Variants in INSR observed in about 807,000 individuals in gnomAD.
INSR encodes the protein IR.
A neutral mutation model predicts 142.6 loss-of-function variants in INSR; 67 were observed. The observed-to-expected ratio is 0.47, with a 90% CI of 0.39 to 0.58. The LOEUF (loss-of-function observed/expected upper bound fraction) is 0.58. Among genes scored for constraint, INSR ranks in the 20% least tolerant of loss-of-function variants. The pLI is 0.00. For missense variants in INSR, 1,248 were observed against 1,833.2 expected (o/e 0.68, Z 5.83); for synonymous variants, 756 against 743.1 (o/e 1.02, Z -0.28).
In INSR at chr19:7,267,660, G is replaced by T. The variant is rs1252380052; in HGVS notation, c.337C>A (p.Arg113=). The T allele has an allele frequency of 1.2e-6, 2 of 1,613,938 alleles. No homozygotes were observed. The highest frequency in any genetic ancestry group is 1.7e-6 in the Non-Finnish European group (2 of 1,180,028). ...FPNLTVIRGS[R]LFFNYALVIF... is the part of the protein sequence containing the mutation. ...ACCAGCGCGTAGTTAAAGAACAGTCGTGATCCCCGGATGACCGTGAGGTTG... is the reference window on the plus strand; with the variant it reads ...ACCAGCGCGTAGTTAAAGAACAGTCTTGATCCCCGGATGACCGTGAGGTTG... The change falls in exon 2 of 22, where the codon CGA becomes AGA. Residue 113 remains arginine, a synonymous_variant. Transcript: ENST00000302850. The surrounding 1 kb of genome is among the most constrained non-coding windows in gnomAD (Gnocchi z 6.3).
intron 3 of INSR, among the ~76,000 whole-genome samples, chr19:7,180,793 T>C (rs7246290): frequency 0.081 from 12,330 of 151,926 alleles, 613 homozygotes; most frequent in African/African-American, 0.13. Flanking sequence ...GCTCCTGCGG[T>C]AACGACCACC....
intron 2 of INSR, among the ~76,000 whole-genome samples, chr19:7,193,494 G>C (rs1285993435): frequency 1.3e-5 from 2 of 151,302 alleles, no homozygotes; most frequent in Non-Finnish European, 2.9e-5. Flanking sequence ...CCTGGCGACA[G>C]AGTGAGACTC....
intron 2 of INSR, among the ~76,000 whole-genome samples, chr19:7,233,922 C>T (rs551029802): frequency 2.6e-5 from 4 of 151,382 alleles, no homozygotes; most frequent in African/African-American, 9.7e-5. Context: ...GTGATGTGCC[C>T]GCATTCTGTC....
chr19:7,193,681 T>C (rs72998171), intron 2 of INSR, among the ~76,000 whole-genome samples: 3,481 of 152,048 alleles, frequency 0.023, 60 homozygotes, highest in Non-Finnish European at 0.035. Flanking sequence ...TTTTTTCAAG[T>C]AGCTTCTTCT....
In INSR at chr19:7,146,516, T is replaced by G. The variant is rs150318061; in HGVS notation, c.2268-3426A>C. On this transcript the variant is annotated intron_variant, in intron 11 of 21. Coordinates refer to ENST00000302850, the MANE Select transcript of INSR (RefSeq NM_000208.4). ...CCTCAGCCTCCCAAAGTACTGGGATTACAGGCATGAGCCACCATGCTCAAC... is the reference window on the plus strand; with the variant it reads ...CCTCAGCCTCCCAAAGTACTGGGATGACAGGCATGAGCCACCATGCTCAAC... Among the ~76,000 whole-genome samples, 37 of 152,270 alleles carry G rather than the reference T, an allele frequency of 2.4e-4. No homozygotes were observed. In the East Asian group the frequency reaches 5.4e-3, roughly 22 times the overall value.
At chr19:7,148,586 T>C (rs763180215) in intron 11 of INSR, among the ~76,000 whole-genome samples, 25 of 145,958 alleles carry the variant, frequency 1.7e-4, no homozygotes, top group Non-Finnish European at 3.0e-4. Flanking sequence ...CAAGTGATTC[T>C]CCTGCCTCGG....
chr19:7,285,423 C>T (rs1968321851), intron 1 of INSR, among the ~76,000 whole-genome samples: 1 of 152,062 alleles, frequency 6.6e-6, no homozygotes, highest in African/African-American at 2.4e-5. Context: ...GCAGTCTGGC[C>T]TGGGCAACAG....
intron 1 of INSR, among the ~76,000 whole-genome samples, chr19:7,288,916 T>A (rs1330208679): frequency 1.6e-5 from 2 of 124,986 alleles, no homozygotes; most frequent in African/African-American, 3.2e-5. Flanking sequence ...TGAGCCAAGA[T>A]CATGCCATTG....
rs1284756350 is a variant in INSR at position 7,225,124 on chromosome 19, T to C, written c.653-40487A>G. Among the ~76,000 whole-genome samples, 1 of 152,138 alleles carries C rather than the reference T, an allele frequency of 6.6e-6. No homozygotes were observed. On this transcript the variant is annotated intron_variant, in intron 2 of 21. Transcript: ENST00000302850. This position sits in a 1 kb window ranked among gnomAD's most constrained non-coding sequence, Gnocchi z 4.7. ...TATGCACCCAGCACTATTCCAATTA[T>C]TAACCATTTATTTCCCCCAACAATC...
At position 7,150,790 on chromosome 19, in the gene INSR, C is replaced by T. The variant is rs1046015926; in HGVS notation, c.2232-258G>A. Among the ~76,000 whole-genome samples, 2 of 152,184 alleles carry T rather than the reference C, an allele frequency of 1.3e-5. No individual in the cohort carries two copies. The highest frequency in any genetic ancestry group is 4.8e-5 in the African/African-American group (2 of 41,460). On this transcript the variant is annotated intron_variant, in intron 10 of 21. Coordinates refer to ENST00000302850, the MANE Select transcript of INSR (RefSeq NM_000208.4). The surrounding 1 kb of genome is among the most constrained non-coding windows in gnomAD (Gnocchi z 4.2). ...GCTGAGGTGGCCCTGGGATGTCAAA[C>T]GTGACTACATGTGGACATCACAACT...
chr19:7,120,572 C>A (rs1393793179), intron 20 of INSR, 48 bp downstream of exon 20: 2 of 1,612,248 alleles, frequency 1.2e-6, no homozygotes, highest in Non-Finnish European at 1.7e-6. Flanking sequence ...CTCACTAGCA[C>A]CTGGAATTCA....
rs1600082185 is a variant in INSR, at chr19:7,242,472, A to G, written c.652+24873T>C. ...AAAGTTCAGCCGGGTGTGGTGGCTCATGCCTGTATTCCCAGCATTTGAAAG... is the reference window on the plus strand; with the variant it reads ...AAAGTTCAGCCGGGTGTGGTGGCTCGTGCCTGTATTCCCAGCATTTGAAAG... On this transcript the variant is annotated intron_variant, in intron 2 of 21. Transcript: ENST00000302850. Among the ~76,000 whole-genome samples the G allele has an allele frequency of 2.0e-5, 3 of 151,350 alleles. No individual in the cohort carries two copies. In the South Asian group the frequency reaches 6.2e-4, roughly 31 times the overall value.
At chr19:7,270,384 A>G (rs949114778) in intron 1 of INSR, among the ~76,000 whole-genome samples, 16 of 113,910 alleles carry the variant, frequency 1.4e-4, no homozygotes, top group Non-Finnish European at 2.9e-4. Flanking sequence ...CACACACTGC[A>G]GGTAGAAAGA....
intron 2 of INSR, among the ~76,000 whole-genome samples, chr19:7,223,276 C>G (rs1262670714): frequency 6.6e-6 from 1 of 152,172 alleles, no homozygotes; most frequent in Non-Finnish European, 1.5e-5. Context: ...CATTAATTAC[C>G]TCATTTGATT....
rs199766532 is a variant in INSR, at chr19:7,254,028, CAAAAAAAAAAAG to C, written c.652+13305_652+13316del. Reference sequence around the variant, plus strand: ...TGGGTGACAGAGCGAAACTCCATCTCAAAAAAAAAAAGAAAAAAGAAAAGAAAAGAAAAAAGG... The same window carrying C: ...TGGGTGACAGAGCGAAACTCCATCTCAAAAAAGAAAAGAAAAGAAAAAAGG... On this transcript the variant is annotated intron_variant, in intron 2 of 21. Coordinates refer to ENST00000302850, the MANE Select transcript of INSR (RefSeq NM_000208.4). Among the ~76,000 whole-genome samples the C allele has an allele frequency of 0.012, 1,441 of 125,178 alleles. 65 individuals are homozygous for C. In the East Asian group the frequency reaches 0.17, roughly 15 times the overall value. 82.1% of individuals were successfully genotyped at this position (125,178 alleles called of 152,430 possible). A position where few individuals can be genotyped will look rare whatever the true frequency, so the allele number is the denominator to read the frequency against.
rs556969032 is a variant in INSR at position 7,278,635 on chromosome 19, G to T, written c.101-10739C>A. ...GCACTTTGGGAGGTCAAGGGGGGTGGATCACCTGAGGTCAGGAGTTTGAGA... is the reference window on the plus strand; with the variant it reads ...GCACTTTGGGAGGTCAAGGGGGGTGTATCACCTGAGGTCAGGAGTTTGAGA... On this transcript the variant is annotated intron_variant, in intron 1 of 21. Transcript: ENST00000302850. Among the ~76,000 whole-genome samples, 9 of 152,284 alleles carry T rather than the reference G, an allele frequency of 5.9e-5. No homozygotes were observed. The South Asian group carries it at 1.4e-3, about 25-fold the overall frequency.
chr19:7,118,893 T>C (rs1274564826), intron 21 of INSR, among the ~76,000 whole-genome samples: 1 of 120,958 alleles, frequency 8.3e-6, no homozygotes, highest in East Asian at 2.4e-4. Context: ...CCAGCCTGGG[T>C]GACAGAGCAA....
chr19:7,149,057 G>A (rs113225366), intron 11 of INSR, among the ~76,000 whole-genome samples: 11,674 of 152,146 alleles, frequency 0.077, 595 homozygotes, highest in Non-Finnish European at 0.12. Context: ...GGGTAGCTGC[G>A]TCACCACGCC....
intron 1 of INSR, among the ~76,000 whole-genome samples, chr19:7,275,136 C>T (rs1024988815): frequency 6.6e-6 from 1 of 151,662 alleles, no homozygotes; most frequent in Non-Finnish European, 1.5e-5. Context: ...CTACCACATC[C>T]AGATAATTTT....
Sources: gnomAD v4.1 joint callset for allele counts (sites outside exome capture counted in the v4.1 genomes callset) on GRCh38, gnomAD v4.1.1 for gene constraint, Gnocchi (gnomAD v3.1) non-coding constraint, MANE v1.5 for transcripts, NCBI Gene and HGNC (gene_info 2026-07-23, HGNC 2026-07-21) for gene names.